The following TCF4 variants were observed in gnomAD, a reference collection of about 807,000 sequenced individuals.
TCF4 encodes transcription factor 4.
In TCF4, 3 loss-of-function variants were observed where a neutral mutation model predicts 82.1. That is an observed-to-expected ratio of 0.04 (90% confidence interval 0.02 to 0.09). The LOEUF (loss-of-function observed/expected upper bound fraction) is 0.09, where lower values mean the gene tolerates loss of function less well. Among genes scored for constraint, TCF4 ranks in the 10% least tolerant of loss-of-function variants. The pLI is 1.00. For missense variants in TCF4, 518 were observed against 852.7 expected (o/e 0.61, Z 4.89); for synonymous variants, 276 against 309.6 (o/e 0.89, Z 1.14).
chr18:55,561,255 A>T (rs1464289100), intron 3 of TCF4, among the ~76,000 whole-genome samples: 1 of 152,212 alleles, frequency 6.6e-6, no homozygotes, highest in Non-Finnish European at 1.5e-5. Flanking sequence ...TGCCCTATAC[A>T]TACATGCTTC....
intron 5 of TCF4, among the ~76,000 whole-genome samples, chr18:55,420,163 G>C (rs1045345254): frequency 1.1e-4 from 17 of 152,100 alleles, no homozygotes; most frequent in Non-Finnish European, 2.9e-5. Flanking sequence ...CCATGACAAA[G>C]GTCCCAAGCC....
At chr18:55,470,108 G>A (rs953483324) in intron 3 of TCF4, among the ~76,000 whole-genome samples, 4 of 152,146 alleles carry the variant, frequency 2.6e-5, no homozygotes, top group African/African-American at 7.2e-5. Context: ...TATTCTAACA[G>A]AAGATAAGGG....
chr18:55,305,156 A>G (rs1362307628), intron 8 of TCF4, among the ~76,000 whole-genome samples: 1 of 152,210 alleles, frequency 6.6e-6, no homozygotes, highest in Non-Finnish European at 1.5e-5. Flanking sequence ...ATTAAATGGA[A>G]TTGTCGTCTT....
chr18:55,265,373 G>C (rs988079275), intron 11 of TCF4: 2 of 152,110 alleles, frequency 1.3e-5, no homozygotes, highest in African/African-American at 4.8e-5. Context: ...CAAAAAGAAG[G>C]AACATTTCCA....
chr18:55,494,157 G>GACACACACACACAC (rs3138626), intron 3 of TCF4, among the ~76,000 whole-genome samples: 4,787 of 147,672 alleles, frequency 0.032, 77 homozygotes, highest in Admixed American at 0.057. Flanking sequence ...AAATATTATG[G>GACACACACACACAC]ACACACACAC....
intron 3 of TCF4, among the ~76,000 whole-genome samples, chr18:55,584,345 G>T (rs1361222749): frequency 2.6e-5 from 4 of 152,076 alleles, no homozygotes. Flanking sequence ...CTAATGTACT[G>T]TTATATACCA....
At chr18:55,320,815 C>T (rs747987484) in intron 8 of TCF4, 20 of 152,458 alleles carry the variant, frequency 1.3e-4, no homozygotes, top group Admixed American at 1.2e-3. Flanking sequence ...CAACTCTTCC[C>T]GAGAGCCCCA....
At chr18:55,232,181 T>C (rs1353344775) in intron 17 of TCF4, 1 of 258,228 alleles carries the variant, frequency 3.9e-6, no homozygotes, top group African/African-American at 2.2e-5. Context: ...AATCTCTTTT[T>C]AGAAATATTA....
At chr18:55,500,438 C>T (rs2146011714) in intron 3 of TCF4, among the ~76,000 whole-genome samples, 1 of 152,302 alleles carries the variant, frequency 6.6e-6, no homozygotes, top group Middle Eastern at 3.4e-3. Flanking sequence ...TCTTAAAGTG[C>T]TGATAATGAG....
chr18:55,304,040 G>A (rs965009717), intron 8 of TCF4, among the ~76,000 whole-genome samples: 1 of 152,112 alleles, frequency 6.6e-6, no homozygotes, highest in Admixed American at 6.5e-5. Flanking sequence ...AGACAAACCA[G>A]TGAAATCCAA....
chr18:55,616,459 C>T (rs567360899), intron 2 of TCF4, among the ~76,000 whole-genome samples: 1 of 152,112 alleles, frequency 6.6e-6, no homozygotes, highest in Admixed American at 6.5e-5. Flanking sequence ...ATCCTGATTT[C>T]AGTTCTTTTG....
At chr18:55,434,506 G>A (rs955190516) in intron 5 of TCF4, among the ~76,000 whole-genome samples, 7 of 142,674 alleles carry the variant, frequency 4.9e-5, no homozygotes, top group Admixed American at 2.3e-4. Flanking sequence ...TGCAAGCTCC[G>A]CCTCCCAGGT....
At chr18:55,400,590 G>A (rs947245778) in intron 6 of TCF4, among the ~76,000 whole-genome samples, 3 of 151,884 alleles carry the variant, frequency 2.0e-5, no homozygotes, top group Non-Finnish European at 4.4e-5. Flanking sequence ...AGAACCTGCC[G>A]GCTTTCATTC....
At chr18:55,619,177 A>G (rs2097715283) in intron 2 of TCF4, among the ~76,000 whole-genome samples, 2 of 152,056 alleles carry the variant, frequency 1.3e-5, no homozygotes, top group Admixed American at 1.3e-4. Flanking sequence ...GGTGAGATTA[A>G]GGAGGTTTTA....
intron 3 of TCF4, among the ~76,000 whole-genome samples, chr18:55,493,860 T>C (rs2096601376): frequency 6.6e-6 from 1 of 152,078 alleles, no homozygotes; most frequent in African/African-American, 2.4e-5. Flanking sequence ...CTTAATCCAA[T>C]TTATTTCCCC....
intron 3 of TCF4, among the ~76,000 whole-genome samples, chr18:55,580,562 T>C (rs2097565771): frequency 6.6e-6 from 1 of 151,962 alleles, no homozygotes; most frequent in African/African-American, 2.4e-5. Context: ...CTGTCATAAA[T>C]TGGAAGGGTA....
At chr18:55,341,722 T>A (rs537980277) in intron 8 of TCF4, among the ~76,000 whole-genome samples, 3 of 152,078 alleles carry the variant, frequency 2.0e-5, no homozygotes, top group Non-Finnish European at 4.4e-5. Flanking sequence ...CAAAAAAAAA[T>A]GTATCTAAAA....
chr18:55,355,699 G>T (rs1020916448), intron 6 of TCF4, among the ~76,000 whole-genome samples: 9 of 152,020 alleles, frequency 5.9e-5, no homozygotes, highest in African/African-American at 9.7e-5. Context: ...TCCTATGCTT[G>T]GTTTCAACAA....
chr18:55,586,200 G>GCAC (rs1568466243), intron 2 of TCF4: 3 of 640,076 alleles, frequency 4.7e-6, no homozygotes, highest in East Asian at 4.3e-5. Flanking sequence ...AGCAGCAGCA[G>GCAC]CAGCAGCAGC....
Sources: gnomAD v4.1 joint callset for allele counts (sites outside exome capture counted in the v4.1 genomes callset) on GRCh38, gnomAD v4.1.1 for gene constraint, MANE v1.5 for transcripts, NCBI Gene and HGNC (gene_info 2026-07-23, HGNC 2026-07-21) for gene names.